Variants in PPFIA2 observed in about 807,000 individuals in gnomAD.
PPFIA2 encodes the protein liprin-alpha-2.
Under a neutral mutation model 175.5 loss-of-function variants are expected in PPFIA2, and 46 were observed. The ratio of observed to expected loss-of-function variants is 0.26; its 90% confidence interval spans 0.21 to 0.34. The LOEUF (loss-of-function observed/expected upper bound fraction) is 0.34, where lower values mean the gene tolerates loss of function less well. Ranked by LOEUF, PPFIA2 falls within the 10% of genes least tolerant of loss-of-function variation. The probability of loss-of-function intolerance (pLI) is 1.00; values close to 1 mark genes in which losing one functional copy is unlikely to be tolerated. For missense variants in PPFIA2, 1,179 were observed against 1,506.1 expected, an observed-to-expected ratio of 0.78 and a Z score of 3.60; for synonymous variants, 568 against 511.4, an observed-to-expected ratio of 1.11 and a Z score of -1.49.
intron 4 of PPFIA2, among the ~76,000 whole-genome samples, chr12:81,523,464 T>C (rs1390236278): frequency 6.6e-6 from 1 of 152,212 alleles, no homozygotes; most frequent in Non-Finnish European, 1.5e-5. Flanking sequence ...CTACCTCTTC[T>C]GCTAGTCATA....
intron 4 of PPFIA2, among the ~76,000 whole-genome samples, chr12:81,635,805 A>G (rs1456758822): frequency 6.6e-6 from 1 of 152,192 alleles, no homozygotes; most frequent in East Asian, 1.9e-4. Flanking sequence ...TTTCTGCCGA[A>G]GTCACAAACT....
intron 11 of PPFIA2, among the ~76,000 whole-genome samples, chr12:81,371,230 T>C (rs1486876453): frequency 1.8e-5 from 2 of 108,864 alleles, no homozygotes; most frequent in Non-Finnish European, 4.0e-5. Flanking sequence ...AGAGTTACCA[T>C]GGTCCCCAAA....
chr12:81,587,422 C>T (rs909085369), intron 4 of PPFIA2, among the ~76,000 whole-genome samples: 2 of 152,038 alleles, frequency 1.3e-5, no homozygotes, highest in Middle Eastern at 3.4e-3. Context: ...GGCCTCTCTA[C>T]CCATGTGAAA....
At chr12:81,284,347 C>A (rs1169305714) in intron 24 of PPFIA2, 44 bp from the exon 25 acceptor site, 3 of 1,405,302 alleles carry the variant, frequency 2.1e-6, no homozygotes, top group Non-Finnish European at 3.0e-6. Flanking sequence ...CCATGGGAGG[C>A]AAGCAGTGGT....
At chr12:81,268,924 G>A (rs923310440) in intron 28 of PPFIA2, among the ~76,000 whole-genome samples, 1 of 152,078 alleles carries the variant, frequency 6.6e-6, no homozygotes, top group Non-Finnish European at 1.5e-5. Flanking sequence ...TCAACAGATG[G>A]ATACTTACCT....
At chr12:81,612,935 A>G (rs1050928108) in intron 4 of PPFIA2, among the ~76,000 whole-genome samples, 2 of 152,188 alleles carry the variant, frequency 1.3e-5, no homozygotes, top group South Asian at 2.1e-4. Context: ...CTTAAACCAA[A>G]TTTTTCACAA....
chr12:81,748,366 A>T (rs2083317774), intron 3 of PPFIA2, among the ~76,000 whole-genome samples: 1 of 144,588 alleles, frequency 6.9e-6, no homozygotes, highest in Non-Finnish European at 1.6e-5. Context: ...ACCCTTTGCC[A>T]TTTAATTCTG....
chr12:81,427,240 T>C (rs997489113), intron 7 of PPFIA2, among the ~76,000 whole-genome samples: 1 of 152,112 alleles, frequency 6.6e-6, no homozygotes, highest in African/African-American at 2.4e-5. Context: ...ACATAGTAAC[T>C]ACACCGAAAT....
intron 3 of PPFIA2, among the ~76,000 whole-genome samples, chr12:81,741,640 T>G (rs1196317373): frequency 1.1e-4 from 17 of 151,860 alleles, no homozygotes; most frequent in African/African-American, 4.1e-4. Flanking sequence ...TGGTGATTTT[T>G]TTTTTTTTTT....
chr12:81,712,072 T>A (rs1366714082), intron 3 of PPFIA2, among the ~76,000 whole-genome samples: 1 of 151,372 alleles, frequency 6.6e-6, no homozygotes, highest in African/African-American at 2.4e-5. Context: ...ATTATATTTT[T>A]AAAACATTAT....
intron 8 of PPFIA2, among the ~76,000 whole-genome samples, chr12:81,392,372 T>C (rs2040289708): frequency 6.6e-6 from 1 of 151,774 alleles, no homozygotes; most frequent in Admixed American, 6.6e-5. Flanking sequence ...AATGACTAAT[T>C]AGATGTCAAA....
At chr12:81,327,056 T>C (rs1387744991) in intron 21 of PPFIA2, among the ~76,000 whole-genome samples, 1 of 152,146 alleles carries the variant, frequency 6.6e-6, no homozygotes, top group Non-Finnish European at 1.5e-5. Context: ...AATTTTGATG[T>C]TACTGTTTTT....
intron 3 of PPFIA2, among the ~76,000 whole-genome samples, chr12:81,734,541 AT>A (rs1399825482): frequency 2.0e-5 from 3 of 151,756 alleles, no homozygotes; most frequent in Non-Finnish European, 4.4e-5. Flanking sequence ...ACCTAAGGTG[AT>A]TGTTAAAAGT....
At chr12:81,605,815 C>T (rs1159047657) in intron 4 of PPFIA2, among the ~76,000 whole-genome samples, 1 of 151,852 alleles carries the variant, frequency 6.6e-6, no homozygotes, top group Non-Finnish European at 1.5e-5. Context: ...TGACCCTTTA[C>T]AGATAGCCAA....
At chr12:81,384,405 GTTAA>G (rs1309893854) in intron 8 of PPFIA2, among the ~76,000 whole-genome samples, 161 bp from the exon 9 acceptor site, 11 of 152,068 alleles carry the variant, frequency 7.2e-5, no homozygotes, top group Non-Finnish European at 1.2e-4. Flanking sequence ...TAAGGAAACT[GTTAA>G]TTGACATTAA....
At chr12:81,736,348 T>C (rs2081574203) in intron 3 of PPFIA2, among the ~76,000 whole-genome samples, 1 of 152,020 alleles carries the variant, frequency 6.6e-6, no homozygotes, top group South Asian at 2.1e-4. Flanking sequence ...TTTTGATCAT[T>C]CTTCGATACT....
At chr12:81,476,634 T>G (rs545134844) in intron 4 of PPFIA2, among the ~76,000 whole-genome samples, 2 of 152,326 alleles carry the variant, frequency 1.3e-5, no homozygotes, top group Non-Finnish European at 2.9e-5. Context: ...TGGTCTGCAT[T>G]GTGGAAGACA....
rs2073662226 is a variant in PPFIA2, at chr12:81,681,696, GC to G, written c.250-4853del. 1.2e-4 allele frequency among the ~76,000 whole-genome samples: 18 copies of G among 148,860 alleles called. No individual in the cohort carries two copies. In the South Asian group the frequency reaches 3.9e-3, roughly 32 times the overall value. On this transcript the variant is annotated intron_variant, in intron 3 of 32. Transcript: ENST00000549396. ...ATCAAGTTCAGATACTGTAAGTCTT[GC>G]TTCCTTTGTGTGCAAGTGAAAAAAA...
intron 4 of PPFIA2, among the ~76,000 whole-genome samples, chr12:81,641,467 C>T (rs1366773179): frequency 6.6e-6 from 1 of 152,126 alleles, no homozygotes; most frequent in Non-Finnish European, 1.5e-5. Flanking sequence ...TTGACTGTGG[C>T]CCAAAGAATG....
Sources: gnomAD v4.1 joint callset for allele counts (sites outside exome capture counted in the v4.1 genomes callset) on GRCh38, gnomAD v4.1.1 for gene constraint, MANE v1.5 for transcripts, NCBI Gene and HGNC (gene_info 2026-07-23, HGNC 2026-07-21) for gene names.